The following EPB41L2 variants were observed in gnomAD, a reference collection of about 807,000 sequenced individuals.
EPB41L2 encodes the protein erythrocyte membrane protein band 4.1 like 2, also known as band 4.1-like protein 2.
A neutral mutation model predicts 113.0 loss-of-function variants in EPB41L2; 43 were observed. That is an observed-to-expected ratio of 0.38 (90% CI 0.30 to 0.49). The LOEUF (loss-of-function observed/expected upper bound fraction) is 0.49, where lower values mean the gene tolerates loss of function less well. Among genes scored for constraint, EPB41L2 ranks in the 20% least tolerant of loss-of-function variants. The pLI is 0.95. For missense variants in EPB41L2, 1,147 were observed against 1,223.4 expected, an observed-to-expected ratio of 0.94 and a Z score of 0.93; for synonymous variants, 442 against 436.7, an observed-to-expected ratio of 1.01 and a Z score of -0.15.
intron 14 of EPB41L2, among the ~76,000 whole-genome samples, chr6:130,875,609 CG>C: frequency 6.6e-6 from 1 of 152,258 alleles, no homozygotes; most frequent in African/African-American, 2.4e-5. Flanking sequence ...AATGACAAAA[CG>C]GTCTTCCTAA....
chr6:130,926,605 T>C lies in EPB41L2; in HGVS notation c.810A>G (p.Lys270=), dbSNP rs749937264. The C allele has an allele frequency of 1.3e-6, 2 of 1,586,650 alleles. No individual in the cohort carries two copies. The highest frequency in any genetic ancestry group is 2.3e-5 in the South Asian group (2 of 86,570). Residue 270 remains lysine, a splice_region_variant and synonymous_variant, in exon 4 of 20, where the codon AAA becomes AAG. Transcript: ENST00000337057. ...TAAAAATAAACTTGAAATCACTTAC[T>C]TTCTGCTCAGGGCTTTCCTGAAACA... ...GLLFQESPEQ[K]NWLDPAKEIK...
intron 7 of EPB41L2, among the ~76,000 whole-genome samples, chr6:130,900,336 T>C (rs1795953102): frequency 6.6e-6 from 1 of 152,222 alleles, no homozygotes; most frequent in Non-Finnish European, 1.5e-5. Context: ...ACTGTAATTT[T>C]GCAATATAGA....
chr6:130,858,670 G>C (rs1781044846), intron 18 of EPB41L2, among the ~76,000 whole-genome samples: 1 of 152,236 alleles, frequency 6.6e-6, no homozygotes. Flanking sequence ...AGACATTCAG[G>C]TGATACTAGC....
intron 6 of EPB41L2, among the ~76,000 whole-genome samples, chr6:130,902,652 T>TA (rs1313656558): frequency 6.6e-6 from 1 of 152,208 alleles, no homozygotes; most frequent in Non-Finnish European, 1.5e-5. Context: ...AATTCTCTAA[T>TA]AAACAACAGT....
chr6:130,923,934 T>C (rs1041030390), intron 4 of EPB41L2, among the ~76,000 whole-genome samples: 6 of 152,148 alleles, frequency 3.9e-5, no homozygotes, highest in African/African-American at 1.4e-4. Flanking sequence ...TCTAGAACTT[T>C]TACATCTTGC....
rs140350248 is a variant in EPB41L2 at position 130,929,857 on chromosome 6, TCACACACACA to T, written c.706-3158_706-3149del. Among the ~76,000 whole-genome samples the T allele has an allele frequency of 1.4e-4, 17 of 123,456 alleles. No homozygotes were observed. The South Asian group carries it at 1.4e-3, about 10-fold the overall frequency. The allele number at this position is 123,456 out of a possible 152,430, so 81.0% of individuals were successfully genotyped here. On this transcript the variant is annotated intron_variant, in intron 3 of 19. Coordinates refer to ENST00000337057, the MANE Select transcript of EPB41L2 (RefSeq NM_001431.4). ...GGGAGATTAAATACAAGACAGACAGTCACACACACACACACACACACACACACACACACAC... is the reference window on the plus strand; with the variant it reads ...GGGAGATTAAATACAAGACAGACAGTCACACACACACACACACACACACAC...
At chr6:130,938,479 A>C (rs1235347187) in intron 3 of EPB41L2, among the ~76,000 whole-genome samples, 1 of 152,186 alleles carries the variant, frequency 6.6e-6, no homozygotes, top group Non-Finnish European at 1.5e-5. Flanking sequence ...ACACACATAC[A>C]CAAAAAATGC....
intron 12 of EPB41L2, chr6:130,883,302 GACCATATT>G (rs2128469334): frequency 6.6e-6 from 1 of 152,402 alleles, no homozygotes; most frequent in South Asian, 2.1e-4. Flanking sequence ...TTAAAGGAGG[GACCATATT>G]AACACAGTGT....
At chr6:130,915,206 G>A (rs1454478053) in intron 4 of EPB41L2, among the ~76,000 whole-genome samples, 1 of 151,616 alleles carries the variant, frequency 6.6e-6, no homozygotes, top group African/African-American at 2.4e-5. Context: ...GGGAGGCTGA[G>A]GCAGGAGAAT....
At chr6:131,014,447 G>A (rs1409507401) in intron 1 of EPB41L2, among the ~76,000 whole-genome samples, 4 of 152,142 alleles carry the variant, frequency 2.6e-5, no homozygotes, top group African/African-American at 9.7e-5. Flanking sequence ...AGTCCAAATG[G>A]TAAAAAGGCA....
intron 3 of EPB41L2, among the ~76,000 whole-genome samples, chr6:130,938,738 C>T (rs776712801): frequency 1.1e-4 from 16 of 152,082 alleles, no homozygotes; most frequent in Non-Finnish European, 1.9e-4. Flanking sequence ...TAGAATTCGA[C>T]CACTAGATTC....
rs147488210 is a variant in EPB41L2, at chr6:131,046,956, C to T, written c.-15+16199G>A. ...TGCAAATAGGATCGGGGTTTGACGTCGTTTACATATTCTTAGGGATAATAT... is the reference window on the plus strand; with the variant it reads ...TGCAAATAGGATCGGGGTTTGACGTTGTTTACATATTCTTAGGGATAATAT... On this transcript the variant is annotated intron_variant, in intron 1 of 19. Transcript: ENST00000337057. Among the ~76,000 whole-genome samples, 39 of 152,188 alleles carry T rather than the reference C, an allele frequency of 2.6e-4. No homozygotes were observed. The East Asian group carries it at 7.3e-3, about 29-fold the overall frequency.
intron 1 of EPB41L2, among the ~76,000 whole-genome samples, chr6:130,960,268 C>T (rs1818909721): frequency 1.3e-5 from 2 of 152,124 alleles, no homozygotes; most frequent in African/African-American, 4.8e-5. Context: ...AGGTTCCTGC[C>T]AGTTAGTGAA....
chr6:130,954,076 G>A (rs1274881745), intron 3 of EPB41L2, among the ~76,000 whole-genome samples: 6 of 34,290 alleles, frequency 1.7e-4, no homozygotes, highest in East Asian at 1.5e-3. Context: ...TTTTTGAGAC[G>A]GAGTCTCGCT....
Position 130,865,474 on chromosome 6 carries a change from T to C in EPB41L2, c.2829+62A>G, listed in dbSNP as rs1029586511. 2.0e-6 allele frequency: 3 copies of C among 1,509,640 alleles called. No homozygotes were observed. The African/African-American group carries it at 4.1e-5, about 21-fold the overall frequency. The allele number at this position is 1,509,640 out of a possible 1,614,324, so 93.5% of individuals were successfully genotyped here. On this transcript the variant is annotated intron_variant, in intron 17 of 19. Coordinates refer to ENST00000337057, the MANE Select transcript of EPB41L2 (RefSeq NM_001431.4). ...AGTGTGTACAGGAAGAGAGAAACAA[T>C]TCAGAAAAGATTCTGTCTGTAATGT...
At chr6:131,007,965 A>G (rs573984218) in intron 1 of EPB41L2, among the ~76,000 whole-genome samples, 2 of 152,358 alleles carry the variant, frequency 1.3e-5, no homozygotes, top group African/African-American at 2.4e-5. Context: ...TTGCAGCCTG[A>G]CAATGCAATA....
At chr6:130,962,287 G>A (rs985581711) in intron 1 of EPB41L2, among the ~76,000 whole-genome samples, 11 of 152,074 alleles carry the variant, frequency 7.2e-5, no homozygotes, top group African/African-American at 2.4e-4. Context: ...CAGAGGGGAA[G>A]GAGGAAGTGG....
chr6:130,865,599 T>C lies in EPB41L2; in HGVS notation c.2766A>G (p.Leu922=). The C allele has an allele frequency of 1.2e-6, 2 of 1,614,158 alleles. No homozygotes were observed. The highest frequency in any genetic ancestry group is 3.3e-5 in the Admixed American group (2 of 60,020). The change falls in exon 17 of 20, where the codon TTA becomes TTG. Residue 922 remains leucine (L), a synonymous_variant. Coordinates refer to ENST00000337057, the MANE Select transcript of EPB41L2 (RefSeq NM_001431.4). The part of the protein sequence containing the change: ...DGGAGGDSGT[L]LTAQTITSES... ...CAGATGTGATGGTTTGTGCGGTCAG[T>C]AACGTGCCCGAATCACCACCAGCCC...
At chr6:130,989,990 G>C (rs1355167552) in intron 1 of EPB41L2, among the ~76,000 whole-genome samples, 1 of 152,116 alleles carries the variant, frequency 6.6e-6, no homozygotes, top group African/African-American at 2.4e-5. Flanking sequence ...ATTTAGACTG[G>C]GTAACAACAA....
Sources: gnomAD v4.1 joint callset for allele counts (sites outside exome capture counted in the v4.1 genomes callset) on GRCh38, gnomAD v4.1.1 for gene constraint, MANE v1.5 for transcripts, NCBI Gene and HGNC (gene_info 2026-07-23, HGNC 2026-07-21) for gene names.